Variants in TENM4 observed in about 807,000 individuals in gnomAD.
The protein encoded by TENM4 is teneurin transmembrane protein 4.
Under a neutral mutation model 243.3 loss-of-function variants are expected in TENM4, and 82 were observed. The ratio of observed to expected loss-of-function variants is 0.34; its 90% confidence interval spans 0.28 to 0.40. The LOEUF (loss-of-function observed/expected upper bound fraction) is 0.40. Among genes scored for constraint, TENM4 ranks in the 10% least tolerant of loss-of-function variants. The pLI is 1.00. For missense variants in TENM4, 3,138 were observed against 3,673.3 expected, an observed-to-expected ratio of 0.85 and a Z score of 3.77; for synonymous variants, 1,412 against 1,456.3, an observed-to-expected ratio of 0.97 and a Z score of 0.69.
chr11:79,254,761 T>A (rs1017687077), intron 2 of TENM4, among the ~76,000 whole-genome samples: 15 of 152,188 alleles, frequency 9.9e-5, no homozygotes, highest in African/African-American at 3.6e-4. Flanking sequence ...GAGAGTCACA[T>A]ACACAAGCAG....
intron 18 of TENM4, among the ~76,000 whole-genome samples, chr11:78,769,301 C>T (rs1478748923): frequency 6.6e-6 from 1 of 152,198 alleles, no homozygotes; most frequent in Non-Finnish European, 1.5e-5. Context: ...GCTTAGTGCC[C>T]TTCCCTGCTT....
chr11:79,404,870 G>T (rs1858534687), intron 1 of TENM4, among the ~76,000 whole-genome samples: 1 of 152,032 alleles, frequency 6.6e-6, no homozygotes, highest in Non-Finnish European at 1.5e-5. Context: ...GAAGACAGCG[G>T]GGGGTGGGGG....
chr11:78,726,138 T>C lies in TENM4; in HGVS notation c.3491A>G (p.Asp1164Gly), dbSNP rs769994566. ...GCTCCATCCTCCAAGCTTGGACGCG[T>C]CAATTTCATAGCCCTGCAGCACTGT... Reference protein sequence around the residue: ...RTTVLQGYEIDASKLGGWSLD... With the variant: ...RTTVLQGYEIGASKLGGWSLD... Residue 1164 changes from aspartate to glycine, a missense_variant, in exon 23 of 34, where the codon GAC (aspartate) becomes GGC (glycine). Around this residue, in one of 2 missense-constraint regions of TENM4, gnomAD observed 2,467 missense variants for 3,059.1 expected, o/e 0.81. Transcript: ENST00000278550. 3.1e-6 allele frequency: 5 copies of C among 1,613,888 alleles called. No homozygotes were observed. The highest frequency in any genetic ancestry group is 2.5e-6 in the Non-Finnish European group (3 of 1,179,888).
At chr11:78,972,317 C>T (rs917096830) in intron 6 of TENM4, among the ~76,000 whole-genome samples, 4 of 152,002 alleles carry the variant, frequency 2.6e-5, no homozygotes, top group Admixed American at 6.6e-5. Context: ...CAACTCTCCT[C>T]GACAATGGTT....
intron 3 of TENM4, among the ~76,000 whole-genome samples, chr11:79,177,386 T>C (rs1350795568): frequency 2.0e-5 from 3 of 152,100 alleles, no homozygotes; most frequent in Non-Finnish European, 2.9e-5. Context: ...TCTTTTTTTT[T>C]CTTTTCTTTC....
intron 25 of TENM4, among the ~76,000 whole-genome samples, chr11:78,714,048 G>A (rs1174986625): frequency 2.0e-5 from 3 of 152,164 alleles, no homozygotes; most frequent in Admixed American, 6.5e-5. Context: ...ATTGCACAGT[G>A]AGGCATAAAC....
chr11:78,923,796 T>C (rs1252340980), intron 6 of TENM4, among the ~76,000 whole-genome samples: 2 of 140,082 alleles, frequency 1.4e-5, no homozygotes, highest in African/African-American at 5.3e-5. Flanking sequence ...CACCTCAGCC[T>C]CCGAAAGTGC....
chr11:78,796,234 C>T (rs117859167), intron 15 of TENM4, among the ~76,000 whole-genome samples: 1 of 152,292 alleles, frequency 6.6e-6, no homozygotes, highest in Non-Finnish European at 1.5e-5. Flanking sequence ...TGGAGAGTAT[C>T]TGGCTTCCTG....
intron 18 of TENM4, among the ~76,000 whole-genome samples, chr11:78,765,781 T>G (rs1453770420): frequency 6.6e-6 from 1 of 152,236 alleles, no homozygotes; most frequent in Non-Finnish European, 1.5e-5. Context: ...GGAGATGATG[T>G]ACGCAGAGCG....
intron 2 of TENM4, among the ~76,000 whole-genome samples, chr11:79,230,060 C>T (rs1014667959): frequency 6.7e-6 from 1 of 148,274 alleles, no homozygotes; most frequent in African/African-American, 2.5e-5. Flanking sequence ...GGTTCTACAT[C>T]CTTTACAGTT....
At chr11:79,346,367 G>T (rs746303229) in intron 1 of TENM4, among the ~76,000 whole-genome samples, 18 of 152,050 alleles carry the variant, frequency 1.2e-4, no homozygotes, top group Non-Finnish European at 1.9e-4. Context: ...GCCTTCGGGG[G>T]TGTTTGAGAA....
chr11:79,368,479 A>G (rs1343055406), intron 1 of TENM4, among the ~76,000 whole-genome samples: 1 of 152,218 alleles, frequency 6.6e-6, no homozygotes, highest in African/African-American at 2.4e-5. Flanking sequence ...AATACTATTT[A>G]TATCAGTATG....
intron 15 of TENM4, among the ~76,000 whole-genome samples, chr11:78,796,055 C>T (rs142538484): frequency 6.6e-6 from 1 of 152,230 alleles, no homozygotes; most frequent in African/African-American, 2.4e-5. Flanking sequence ...ACCACACGGC[C>T]TTTCACCTCA....
chr11:79,178,351 C>T (rs1318633255), intron 3 of TENM4, among the ~76,000 whole-genome samples: 2 of 151,976 alleles, frequency 1.3e-5, no homozygotes, highest in East Asian at 1.9e-4. Flanking sequence ...TGGGCGTCAT[C>T]GATAGATAGA....
chr11:78,999,606 T>C (rs548308705), intron 6 of TENM4, among the ~76,000 whole-genome samples: 171 of 152,242 alleles, frequency 1.1e-3, no homozygotes, highest in Admixed American at 2.4e-3. Context: ...AAGTGAAAAT[T>C]AGAATCCAGA....
chr11:79,160,570 G>A (rs557985741), intron 3 of TENM4, among the ~76,000 whole-genome samples: 196 of 152,202 alleles, frequency 1.3e-3, no homozygotes, highest in African/African-American at 4.5e-3. Flanking sequence ...AAGAAAAAGC[G>A]GCCCATCTCA....
rs60878995 is a variant in TENM4 at position 78,914,877 on chromosome 11, G to A, written c.494-11354C>T. ...TCACTGGTGGAGAGTCAGGCCAGGG[G>A]CATAGTGAACATTGGTGCCCCAGCC... On this transcript the variant is annotated intron_variant, in intron 6 of 33. Coordinates refer to ENST00000278550, the MANE Select transcript of TENM4 (RefSeq NM_001098816.3). Among the ~76,000 whole-genome samples, 386 of 152,350 alleles carry A rather than the reference G, an allele frequency of 2.5e-3. 2 individuals are homozygous for A. The highest frequency in any genetic ancestry group is 8.8e-3 in the African/African-American group (364 of 41,576).
rs574044187 is a variant in TENM4, at chr11:78,910,509, G to A, written c.494-6986C>T. Reference sequence around the variant, plus strand: ...CTCTTTATCAACACAGTCAGCAGTCGGAATCTGATAGCCTGACTTCCAGTC... The same window carrying A: ...CTCTTTATCAACACAGTCAGCAGTCAGAATCTGATAGCCTGACTTCCAGTC... On this transcript the variant is annotated intron_variant, in intron 6 of 33. Transcript: ENST00000278550. Among the ~76,000 whole-genome samples the A allele has an allele frequency of 9.2e-5, 14 of 152,278 alleles. No individual in the cohort carries two copies. The East Asian group carries it at 2.5e-3, about 27-fold the overall frequency.
chr11:79,435,519 C>T (rs978091054), intron 1 of TENM4, among the ~76,000 whole-genome samples: 2 of 152,176 alleles, frequency 1.3e-5, no homozygotes, highest in African/African-American at 4.8e-5. Context: ...CATTGATTTA[C>T]CCTGCTAGGC....
Sources: allele counts gnomAD v4.1 joint callset (sites outside exome capture counted in the v4.1 genomes callset), GRCh38; gene constraint gnomAD v4.1.1; regional missense constraint gnomAD v4.1.1; transcripts MANE v1.5; gene names NCBI Gene and HGNC (gene_info 2026-07-23, HGNC 2026-07-21).